KAT14: variants seen among roughly 807,000 people sequenced by gnomAD.
KAT14 encodes lysine acetyltransferase 14.
KAT14 carries 66 observed loss-of-function variants against 78.4 expected under a neutral mutation model. That is an observed-to-expected ratio of 0.84 (90% CI 0.69 to 1.03). KAT14 has a LOEUF of 1.03. Ranked by LOEUF, KAT14 falls within the 50% of genes least tolerant of loss-of-function variation. The probability of loss-of-function intolerance (pLI) is 0.00; values close to 1 mark genes in which losing one functional copy is unlikely to be tolerated. For synonymous variants in KAT14, 344 were observed against 359.4 expected, an observed-to-expected ratio of 0.96 and a Z score of 0.48; for missense variants, 870 against 972.5, an observed-to-expected ratio of 0.89 and a Z score of 1.40.
chr20:18,169,898 C>A (rs77793086), intron 7 of KAT14, among the ~76,000 whole-genome samples: 7,910 of 152,214 alleles, frequency 0.052, 256 homozygotes, highest in Middle Eastern at 0.092. Flanking sequence ...ATCGAAGTAG[C>A]CTTATTGCTG....
rs1484568692 is a variant in KAT14, at chr20:18,161,508, CATA to C, written c.683-307_683-305del. ...TCTCTTTATTGAACATGATATTACT[CATA>C]ATAATAAATTAGCAAAAGAAACTAA... On this transcript the variant is annotated intron_variant, in intron 5 of 10. Transcript: ENST00000688188. Among the ~76,000 whole-genome samples the C allele has an allele frequency of 3.9e-5, 6 of 152,154 alleles. No homozygotes were observed. In the East Asian group the frequency reaches 9.6e-4, roughly 24 times the overall value.
At position 18,162,356 on chromosome 20, in the gene KAT14, ACT is replaced by A. The variant is rs2038461805; in HGVS notation, c.1100-20_1100-19del. ...TTCTTCCTTCCTATGTCTTGATGAC[ACT>A]GTTTTGTACTCTGCACAGATGACGA... is the stretch of plus-strand genomic sequence containing the variant. On this transcript the variant is annotated intron_variant, in intron 6 of 10. Transcript: ENST00000688188. The A allele has an allele frequency of 6.2e-7, 1 of 1,603,416 alleles. No homozygotes were observed. The highest frequency in any genetic ancestry group is 1.3e-5 in the African/African-American group (1 of 74,410).
chr20:18,140,353 A>G (rs574602890), intron 1 of KAT14, among the ~76,000 whole-genome samples: 4 of 152,196 alleles, frequency 2.6e-5, no homozygotes, highest in South Asian at 2.1e-4. Flanking sequence ...GACTCCTTCA[A>G]ATCCCTCATA....
chr20:18,175,157 C>T (rs2146495246), intron 7 of KAT14, among the ~76,000 whole-genome samples: 1 of 152,236 alleles, frequency 6.6e-6, no homozygotes, highest in Middle Eastern at 3.4e-3. Context: ...TTCTCCTCCT[C>T]TCTTTTTCCC....
intron 7 of KAT14, among the ~76,000 whole-genome samples, chr20:18,175,286 T>C (rs1459550294): frequency 3.9e-5 from 6 of 152,006 alleles, no homozygotes; most frequent in Non-Finnish European, 8.8e-5. Context: ...CTGCCCAGAG[T>C]GGTATCCACC....
chr20:18,174,957 G>A (rs527837653), intron 7 of KAT14, among the ~76,000 whole-genome samples: 1 of 152,020 alleles, frequency 6.6e-6, no homozygotes, highest in South Asian at 2.1e-4. Flanking sequence ...GAGCCACCGC[G>A]CCCGGCGATT....
chr20:18,157,173 C>T lies in KAT14; in HGVS notation c.501-1911C>T, dbSNP rs1238512812. Among the ~76,000 whole-genome samples, 4 of 152,138 alleles carry T rather than the reference C, an allele frequency of 2.6e-5. No individual in the cohort carries two copies. In the East Asian group the frequency reaches 7.7e-4, roughly 29 times the overall value. ...CACCCGTTTTCGACACAGTAAATAA[C>T]ACATTGGTTTTTAAAATCTTTTGAG... On this transcript the variant is annotated intron_variant, in intron 4 of 10. Transcript: ENST00000688188.
intron 3 of KAT14, among the ~76,000 whole-genome samples, chr20:18,146,847 C>CA (rs1228325892): frequency 0.016 from 2,178 of 135,008 alleles, 51 homozygotes; most frequent in African/African-American, 0.054. Flanking sequence ...GACCCCATCT[C>CA]AAAAAAAAAA....
chr20:18,170,315 G>A (rs1031163453), intron 7 of KAT14, among the ~76,000 whole-genome samples: 1 of 152,158 alleles, frequency 6.6e-6, no homozygotes, highest in Non-Finnish European at 1.5e-5. Flanking sequence ...CAAAGGACAA[G>A]CCAACTGTCT....
chr20:18,156,628 TG>T (rs1300629325), intron 4 of KAT14, among the ~76,000 whole-genome samples: 2 of 152,080 alleles, frequency 1.3e-5, no homozygotes, highest in Non-Finnish European at 2.9e-5. Context: ...GAAATCCAGG[TG>T]TTGATAGGAT....
intron 7 of KAT14, among the ~76,000 whole-genome samples, chr20:18,165,619 A>G (rs1166180075): frequency 6.6e-6 from 1 of 152,184 alleles, no homozygotes; most frequent in African/African-American, 2.4e-5. Flanking sequence ...CTTTGTTCCT[A>G]CAGCCCTGGG....
intron 1 of KAT14, among the ~76,000 whole-genome samples, chr20:18,140,818 CAAAA>C (rs1157203058): frequency 2.5e-5 from 2 of 79,076 alleles, no homozygotes; most frequent in African/African-American, 5.1e-5. Flanking sequence ...GACTCCTTCT[CAAAA>C]AAAAAAAAAA....
intron 8 of KAT14, 110 bp from the exon 9 acceptor site, chr20:18,183,013 G>T (rs572691745): frequency 2.1e-6 from 3 of 1,423,492 alleles, no homozygotes; most frequent in Non-Finnish European, 1.9e-6. Context: ...AACAGTGCAG[G>T]TTACTTTAAA....
chr20:18,166,037 C>A (rs954392418), intron 7 of KAT14, among the ~76,000 whole-genome samples: 4 of 152,144 alleles, frequency 2.6e-5, no homozygotes, highest in African/African-American at 4.8e-5. Flanking sequence ...ATGATAGCCT[C>A]AATATGTGTT....
At chr20:18,160,768 T>C (rs886637689) in intron 5 of KAT14, among the ~76,000 whole-genome samples, 1 of 152,156 alleles carries the variant, frequency 6.6e-6, no homozygotes, top group African/African-American at 2.4e-5. Flanking sequence ...TAAACAGTGC[T>C]ACAATTCTAC....
chr20:18,167,726 G>A (rs2038691412), intron 7 of KAT14, among the ~76,000 whole-genome samples: 1 of 152,134 alleles, frequency 6.6e-6, no homozygotes. Flanking sequence ...GGTAATTGAT[G>A]TGATTTCTAA....
Position 18,145,305 on chromosome 20 carries a change from C to G in KAT14, c.332C>G (p.Ala111Gly). ...AGGTTTACTTGTTCGGATTGCTCAG[C>G]AGATGGCAAGGAGCAGTATGAAAGG... ...FFRFTCSDCS[A>G]DGKEQYERLK... Residue 111 changes from alanine to glycine, a missense_variant, in exon 3 of 11, where the codon GCA becomes GGA. Ala to Gly is a moderately conservative substitution (Grantham distance 60). Transcript: ENST00000688188. 1 of 1,614,156 alleles carries G rather than the reference C, an allele frequency of 6.2e-7. No homozygotes were observed.
At chr20:18,183,028 C>T in intron 8 of KAT14, 95 bp from the exon 9 acceptor site, 6 of 1,482,296 alleles carry the variant, frequency 4.0e-6, no homozygotes, top group Non-Finnish European at 5.4e-6. Context: ...TTTAAAGTTT[C>T]AAGCAGATCA....
chr20:18,162,064 G>A lies in KAT14; in HGVS notation c.924G>A (p.Val308=), dbSNP rs1198438227. ...RPDVILEKGE[V]IDFSSLSSSD... is the part of the protein sequence containing the mutation. ...ATGTGATTCTGGAAAAAGGCGAAGT[G>A]ATTGACTTTTCCTCCTTGAGCTCCT... The change falls in exon 6 of 11, where the codon GTG becomes GTA. Residue 308 remains valine, a synonymous_variant. Transcript: ENST00000688188. 1 of 1,614,234 alleles carries A rather than the reference G, an allele frequency of 6.2e-7. No homozygotes were observed. The highest frequency in any genetic ancestry group is 8.5e-7 in the Non-Finnish European group (1 of 1,180,038).
Sources: allele counts gnomAD v4.1 joint callset (sites outside exome capture counted in the v4.1 genomes callset), GRCh38; gene constraint gnomAD v4.1.1; transcripts MANE v1.5; gene names NCBI Gene and HGNC (gene_info 2026-07-23, HGNC 2026-07-21).